Variants in PAK5 observed in about 807,000 individuals in gnomAD.
The protein encoded by PAK5 is p21 (RAC1) activated kinase 5, also known as serine/threonine-protein kinase PAK 5.
PAK5 carries 16 observed loss-of-function variants against 65.9 expected under a neutral mutation model. That is an observed-to-expected ratio of 0.24 (90% CI 0.16 to 0.37). The LOEUF is 0.37. Among genes scored for constraint, PAK5 ranks in the 10% least tolerant of loss-of-function variants. PAK5 has a pLI of 1.00. For missense variants in PAK5, 785 were observed against 903.9 expected (o/e 0.87, Z 1.69); for synonymous variants, 371 against 354.9 (o/e 1.05, Z -0.51).
intron 1 of PAK5, among the ~76,000 whole-genome samples, chr20:9,803,217 A>G (rs960611571): frequency 6.6e-6 from 1 of 152,042 alleles, no homozygotes; most frequent in Non-Finnish European, 1.5e-5. Flanking sequence ...AGAGTAGCTC[A>G]TTTTATAAAT....
At chr20:9,699,803 C>T (rs1364120824) in intron 2 of PAK5, among the ~76,000 whole-genome samples, 4 of 152,058 alleles carry the variant, frequency 2.6e-5, no homozygotes, top group East Asian at 1.9e-4. Flanking sequence ...TCTCTACATG[C>T]ATGCATTTGT....
At chr20:9,577,954 C>T (rs1006406634) in intron 4 of PAK5, among the ~76,000 whole-genome samples, 1 of 152,164 alleles carries the variant, frequency 6.6e-6, no homozygotes, top group Non-Finnish European at 1.5e-5. Context: ...ATTTGGAAGT[C>T]TGCAGAATAG....
chr20:9,580,945 G>A lies in PAK5; in HGVS notation c.205-15C>T, dbSNP rs1410657412. On this transcript the variant is annotated splice_polypyrimidine_tract_variant and intron_variant, in intron 3 of 9. Coordinates refer to ENST00000353224, the MANE Select transcript of PAK5 (RefSeq NM_177990.4). The stretch of plus-strand genomic sequence containing the variant: ...CTAACGATTGTCTGGGAATAATAGA[G>A]GGAATATTGTTTAAAGAAAATATTT... 6.6e-7 allele frequency: 1 copy of A among 1,525,666 alleles called. No homozygotes were observed. The highest frequency in any genetic ancestry group is 2.3e-5 in the East Asian group (1 of 44,206). 94.5% of individuals were successfully genotyped at this position (1,525,666 alleles called of 1,614,324 possible). A position where few individuals can be genotyped will look rare whatever the true frequency, so the allele number is the denominator to read the frequency against.
At chr20:9,762,225 C>T (rs1000188486) in intron 1 of PAK5, among the ~76,000 whole-genome samples, 21 of 152,088 alleles carry the variant, frequency 1.4e-4, no homozygotes, top group African/African-American at 4.1e-4. Context: ...GGATATAGCA[C>T]CCAAAGCATA....
chr20:9,764,128 A>C (rs2048730260), intron 1 of PAK5, among the ~76,000 whole-genome samples: 1 of 152,156 alleles, frequency 6.6e-6, no homozygotes, highest in Non-Finnish European at 1.5e-5. Context: ...CAGGATCTGA[A>C]CCAGAATCAC....
chr20:9,732,931 T>A (rs561218766), intron 1 of PAK5, among the ~76,000 whole-genome samples: 1 of 152,340 alleles, frequency 6.6e-6, no homozygotes, highest in South Asian at 2.1e-4. Context: ...AACAGTAGCA[T>A]AATCTGGAAA....
At chr20:9,801,298 C>T (rs1196498553) in intron 1 of PAK5, among the ~76,000 whole-genome samples, 1 of 151,948 alleles carries the variant, frequency 6.6e-6, no homozygotes, top group Non-Finnish European at 1.5e-5. Flanking sequence ...ATAGCACACA[C>T]AGCTAATTCC....
In PAK5 at chr20:9,542,700, C is replaced by T. The variant is rs867301339; in HGVS notation, c.1890G>A (p.Gly630=). The T allele has an allele frequency of 6.2e-6, 10 of 1,614,056 alleles. No homozygotes were observed. The East Asian group carries it at 1.1e-4, about 18-fold the overall frequency. The change falls in exon 9 of 10, where the codon GGG becomes GGA. Residue 630 remains glycine, a synonymous_variant. Transcript: ENST00000353224. ...YGTEVDIWSL[G]IMVIEMIDGE... ...CATCAATCATTTCTATCACCATGAT[C>T]CCGAGGGACCAGATGTCCACCTGTT...
intron 2 of PAK5, among the ~76,000 whole-genome samples, chr20:9,652,560 C>CA (rs2047215802): frequency 6.6e-6 from 1 of 152,188 alleles, no homozygotes; most frequent in Non-Finnish European, 1.5e-5. Flanking sequence ...GGGTGCTTCC[C>CA]ACTCCAGGAG....
At chr20:9,543,434 T>C (rs1036543178) in intron 8 of PAK5, among the ~76,000 whole-genome samples, 1 of 152,130 alleles carries the variant, frequency 6.6e-6, no homozygotes, top group Non-Finnish European at 1.5e-5. Flanking sequence ...TTATACCTCT[T>C]ATCTGATGAA....
At chr20:9,636,962 T>C (rs940047913) in intron 3 of PAK5, among the ~76,000 whole-genome samples, 2 of 152,080 alleles carry the variant, frequency 1.3e-5, no homozygotes, top group Non-Finnish European at 2.9e-5. Flanking sequence ...GTTTATATTA[T>C]ATCTATTAAT....
At position 9,838,678 on chromosome 20, in the gene PAK5, G is replaced by T. The variant is rs959923808; in HGVS notation, c.-162+84C>A. On this transcript the variant is annotated intron_variant, in intron 1 of 9. Transcript: ENST00000353224. This position sits in a 1 kb window ranked among gnomAD's most constrained non-coding sequence, Gnocchi z 4.5. Reference sequence around the variant, plus strand: ...CTCTCCCGGCAAAGAGAGATGCTCCGGTTACCAGCGGCGCGCATCCCCGCA... The same window carrying T: ...CTCTCCCGGCAAAGAGAGATGCTCCTGTTACCAGCGGCGCGCATCCCCGCA... The T allele has an allele frequency of 6.6e-6, 1 of 152,236 alleles. No individual in the cohort carries two copies. The highest frequency in any genetic ancestry group is 2.4e-5 in the African/African-American group (1 of 41,456). The allele number at this position is 152,236 out of a possible 1,614,324, so 9.4% of individuals were successfully genotyped here.
intron 3 of PAK5, among the ~76,000 whole-genome samples, chr20:9,602,016 G>A (rs2046368831): frequency 6.6e-6 from 1 of 152,162 alleles, no homozygotes. Context: ...CTAATACACT[G>A]GTGAACTCGG....
intron 4 of PAK5, among the ~76,000 whole-genome samples, chr20:9,567,011 G>A (rs1238745044): frequency 1.3e-5 from 2 of 152,148 alleles, no homozygotes; most frequent in Non-Finnish European, 2.9e-5. Context: ...GGATTTATTG[G>A]AGGAGAATGG....
At chr20:9,743,389 G>C (rs111859815) in intron 1 of PAK5, among the ~76,000 whole-genome samples, 3 of 56,102 alleles carry the variant, frequency 5.3e-5, no homozygotes, top group African/African-American at 1.8e-4. Context: ...AAGCAAACAA[G>C]CCAAAAAAAA....
chr20:9,666,387 G>GA (rs200148322), intron 2 of PAK5, among the ~76,000 whole-genome samples: 55,117 of 113,406 alleles, frequency 0.49, 12,870 homozygotes, highest in East Asian at 0.81. Flanking sequence ...TGAGAACTTG[G>GA]AAAAAAAAAA....
intron 2 of PAK5, among the ~76,000 whole-genome samples, chr20:9,659,423 T>G (rs1244272437): frequency 6.6e-6 from 1 of 152,210 alleles, no homozygotes; most frequent in Non-Finnish European, 1.5e-5. Flanking sequence ...GACTATGGGC[T>G]TCATATGGGC....
chr20:9,584,264 T>G (rs958220808), intron 3 of PAK5, among the ~76,000 whole-genome samples: 4 of 152,168 alleles, frequency 2.6e-5, no homozygotes, highest in Admixed American at 1.3e-4. Flanking sequence ...TTCAGCAGCT[T>G]CCTATTTCAT....
rs566586621 is a variant in PAK5, at chr20:9,623,359, G to A, written c.204+20766C>T. Among the ~76,000 whole-genome samples the A allele has an allele frequency of 1.4e-3, 207 of 151,824 alleles. 2 individuals are homozygous for A. Among genetic ancestry groups the A allele is most frequent in the African/African-American group, 4.6e-3 (190 of 41,396 alleles). On this transcript the variant is annotated intron_variant, in intron 3 of 9. Transcript: ENST00000353224. ...GGAAACTCCAAGTTAATAAAGGAGA[G>A]GAACAGAATGAAAAGCAACATGATC... is the stretch of plus-strand genomic sequence containing the variant.
Sources: allele counts gnomAD v4.1 joint callset (sites outside exome capture counted in the v4.1 genomes callset), GRCh38; gene constraint gnomAD v4.1.1; non-coding constraint Gnocchi (gnomAD v3.1); transcripts MANE v1.5; gene names NCBI Gene and HGNC (gene_info 2026-07-23, HGNC 2026-07-21).